NOVA1: variants seen among roughly 807,000 people sequenced by gnomAD.
NOVA1 encodes NOVA alternative splicing regulator 1, also known as RNA-binding protein Nova-1.
NOVA1 carries 7 observed loss-of-function variants against 38.0 expected under a neutral mutation model. That is an observed-to-expected ratio of 0.18 (90% CI 0.10 to 0.35). NOVA1 has a LOEUF of 0.35. Among genes scored for constraint, NOVA1 ranks in the 10% least tolerant of loss-of-function variants. NOVA1 has a pLI of 1.00. For synonymous variants in NOVA1, 270 were observed against 232.5 expected (o/e 1.16, Z -1.47); for missense variants, 460 against 616.0 (o/e 0.75, Z 2.68).
chr14:26,588,514 G>T (rs1452871300), intron 2 of NOVA1: 2 of 151,368 alleles, frequency 1.3e-5, no homozygotes, highest in Non-Finnish European at 3.0e-5. Flanking sequence ...TGATGGAGTG[G>T]AGATAGTAGG....
In NOVA1 at chr14:26,561,508, G is replaced by A. The variant is rs371554511; in HGVS notation, c.280+33902C>T. 2.5e-4 allele frequency among the ~76,000 whole-genome samples: 38 copies of A among 152,262 alleles called. No individual in the cohort carries two copies. In the East Asian group the frequency reaches 7.2e-3, roughly 29 times the overall value. On this transcript the variant is annotated intron_variant, in intron 2 of 4. Transcript: ENST00000539517. ...GAATAATTTCCTGCTTCACTGTGCTGACAGCACATCGTCTAGATTCAGAAA... is the reference window on the plus strand; with the variant it reads ...GAATAATTTCCTGCTTCACTGTGCTAACAGCACATCGTCTAGATTCAGAAA...
intron 2 of NOVA1, among the ~76,000 whole-genome samples, chr14:26,528,419 T>A (rs178176): frequency 6.6e-6 from 1 of 152,112 alleles, no homozygotes; most frequent in African/African-American, 2.4e-5. Flanking sequence ...TGCTAAGCCA[T>A]GTAGGGCCAA....
intron 4 of NOVA1, among the ~76,000 whole-genome samples, chr14:26,465,732 G>T (rs1884059995): frequency 6.6e-6 from 1 of 152,002 alleles, no homozygotes; most frequent in African/African-American, 2.4e-5. Context: ...AGACTTGTAA[G>T]CCTATTCTTT....
chr14:26,566,645 G>T (rs1892151051), intron 2 of NOVA1, among the ~76,000 whole-genome samples: 1 of 151,950 alleles, frequency 6.6e-6, no homozygotes, highest in African/African-American at 2.4e-5. Flanking sequence ...TATGGCCAAG[G>T]CTACAGATGC....
At chr14:26,482,626 G>A (rs931159020) in intron 2 of NOVA1, among the ~76,000 whole-genome samples, 1 of 152,028 alleles carries the variant, frequency 6.6e-6, no homozygotes, top group Non-Finnish European at 1.5e-5. Flanking sequence ...CACTAGCAAC[G>A]AGAGGTGAAA....
chr14:26,490,452 C>T (rs1437364490), intron 2 of NOVA1, among the ~76,000 whole-genome samples: 1 of 151,834 alleles, frequency 6.6e-6, no homozygotes, highest in Admixed American at 6.6e-5. Context: ...CATTTTACAT[C>T]CCCAACAACA....
At chr14:26,559,977 T>A (rs1891722982) in intron 2 of NOVA1, among the ~76,000 whole-genome samples, 1 of 152,106 alleles carries the variant, frequency 6.6e-6, no homozygotes, top group African/African-American at 2.4e-5. Context: ...TGTAATATAT[T>A]ACATTGTATG....
At chr14:26,545,133 G>A (rs914583827) in intron 2 of NOVA1, among the ~76,000 whole-genome samples, 2 of 151,978 alleles carry the variant, frequency 1.3e-5, no homozygotes, top group African/African-American at 4.8e-5. Context: ...GAGGAAAATG[G>A]CAAATAAGAC....
intron 4 of NOVA1, among the ~76,000 whole-genome samples, chr14:26,459,235 A>AT (rs1221119844): frequency 1.3e-5 from 2 of 152,030 alleles, no homozygotes; most frequent in African/African-American, 2.4e-5. Context: ...CAGGAGTATC[A>AT]TTTTTTATCT....
At chr14:26,461,942 AAAAAC>A (rs979134640) in intron 4 of NOVA1, among the ~76,000 whole-genome samples, 4 of 151,452 alleles carry the variant, frequency 2.6e-5, no homozygotes, top group African/African-American at 4.8e-5. Flanking sequence ...CTCCGTCTCA[AAAAAC>A]AAAAACAAAA....
chr14:26,576,573 ATATT>A (rs1034662395), intron 2 of NOVA1, among the ~76,000 whole-genome samples: 10 of 151,984 alleles, frequency 6.6e-5, no homozygotes, highest in African/African-American at 2.4e-4. Context: ...GGTTCAATAT[ATATT>A]TATCATTCAC....
rs563281105 is a variant in NOVA1 at position 26,465,726 on chromosome 14, T to C, written c.519+6594A>G. Among the ~76,000 whole-genome samples, 25 of 152,320 alleles carry C rather than the reference T, an allele frequency of 1.6e-4. 1 individual carries two copies. The South Asian group carries it at 5.2e-3, about 32-fold the overall frequency. ...AAAAAGAATTTTAGAGCATATAGACTTGTAAGCCTATTCTTTCAACTAACG... is the reference window on the plus strand; with the variant it reads ...AAAAAGAATTTTAGAGCATATAGACCTGTAAGCCTATTCTTTCAACTAACG... On this transcript the variant is annotated intron_variant, in intron 4 of 4. Transcript: ENST00000539517.
intron 4 of NOVA1, among the ~76,000 whole-genome samples, chr14:26,450,114 G>C (rs1235704030): frequency 6.6e-6 from 1 of 152,038 alleles, no homozygotes. Flanking sequence ...TGCTTTCCTT[G>C]TTCCAGACAT....
intron 2 of NOVA1, among the ~76,000 whole-genome samples, chr14:26,534,286 C>G (rs1039938823): frequency 6.6e-6 from 1 of 152,118 alleles, no homozygotes; most frequent in Non-Finnish European, 1.5e-5. Context: ...TACATAAATA[C>G]AACAAAACAT....
At chr14:26,505,501 G>C (rs1374113882) in intron 2 of NOVA1, among the ~76,000 whole-genome samples, 4 of 152,030 alleles carry the variant, frequency 2.6e-5, no homozygotes, top group African/African-American at 9.7e-5. Context: ...CCAGCCATGT[G>C]GAACTGTGAG....
chr14:26,507,060 G>T (rs2138433598), intron 2 of NOVA1, among the ~76,000 whole-genome samples: 1 of 152,096 alleles, frequency 6.6e-6, no homozygotes, highest in Non-Finnish European at 1.5e-5. Context: ...TTGTATCCTG[G>T]TTGCTATGTG....
chr14:26,496,913 A>G (rs922421055), intron 2 of NOVA1, among the ~76,000 whole-genome samples: 5 of 152,060 alleles, frequency 3.3e-5, no homozygotes, highest in African/African-American at 4.8e-5. Flanking sequence ...AGTATAGTTT[A>G]AAGTCAGGTA....
chr14:26,565,897 A>G (rs1211844421), intron 2 of NOVA1, among the ~76,000 whole-genome samples: 1 of 152,164 alleles, frequency 6.6e-6, no homozygotes, highest in African/African-American at 2.4e-5. Flanking sequence ...TCATACAGAA[A>G]AAAATATAAT....
At chr14:26,470,370 A>G (rs1159119744) in intron 4 of NOVA1, 5 of 1,497,146 alleles carry the variant, frequency 3.3e-6, no homozygotes, top group East Asian at 2.4e-5. Flanking sequence ...TTGGGGAGAA[A>G]ATAATTACAA....
Sources: allele counts gnomAD v4.1 joint callset (sites outside exome capture counted in the v4.1 genomes callset), GRCh38; gene constraint gnomAD v4.1.1; transcripts MANE v1.5; gene names NCBI Gene and HGNC (gene_info 2026-07-23, HGNC 2026-07-21).